The following FAM114A2 variants were observed in gnomAD, a reference collection of about 807,000 sequenced individuals.
FAM114A2 encodes the protein protein FAM114A2.
In FAM114A2, 53 loss-of-function variants were observed where a neutral mutation model predicts 58.4. That is an observed-to-expected ratio of 0.91 (90% CI 0.73 to 1.14). The LOEUF (loss-of-function observed/expected upper bound fraction) is 1.14, where lower values mean the gene tolerates loss of function less well. FAM114A2 is among the 50% of genes most tolerant of loss of function. The pLI is 0.00. For missense variants in FAM114A2, 601 were observed against 581.1 expected (o/e 1.03, Z -0.35); for synonymous variants, 228 against 211.4 (o/e 1.08, Z -0.68).
intron 11 of FAM114A2, among the ~76,000 whole-genome samples, chr5:153,999,845 C>A (rs1250460739): frequency 6.6e-6 from 1 of 152,062 alleles, no homozygotes; most frequent in African/African-American, 2.4e-5. Flanking sequence ...ATGTTTATTG[C>A]AGCACTATTC....
chr5:154,000,849 C>G (rs1769923512), intron 11 of FAM114A2, among the ~76,000 whole-genome samples: 1 of 152,136 alleles, frequency 6.6e-6, no homozygotes, highest in Non-Finnish European at 1.5e-5. Context: ...CCCTACATTC[C>G]ATTTAGAAAA....
chr5:153,994,066 A>C (rs1206074908), intron 13 of FAM114A2, among the ~76,000 whole-genome samples: 1 of 152,172 alleles, frequency 6.6e-6, no homozygotes, highest in Non-Finnish European at 1.5e-5. Context: ...CCATTTACTA[A>C]ATCACAAACT....
At chr5:154,002,227 T>C in intron 11 of FAM114A2, 24 bp downstream of exon 11, 1 of 1,607,558 alleles carries the variant, frequency 6.2e-7, no homozygotes, top group African/African-American at 1.3e-5. Flanking sequence ...TTGCATCATT[T>C]AGAGGAATTC....
At chr5:154,014,129 T>C (rs1238604655) in intron 8 of FAM114A2, among the ~76,000 whole-genome samples, 2 of 152,246 alleles carry the variant, frequency 1.3e-5, no homozygotes, top group Non-Finnish European at 2.9e-5. Context: ...TAGAAACTTG[T>C]ATTCAAGAAC....
intron 8 of FAM114A2, among the ~76,000 whole-genome samples, chr5:154,023,475 G>T (rs977074825): frequency 2.6e-5 from 4 of 152,104 alleles, no homozygotes; most frequent in Non-Finnish European, 2.9e-5. Context: ...CATTCGCAGC[G>T]ACCTGGATGA....
intron 8 of FAM114A2, among the ~76,000 whole-genome samples, chr5:154,020,875 A>G (rs910304152): frequency 2.6e-5 from 4 of 152,218 alleles, no homozygotes; most frequent in African/African-American, 9.7e-5. Context: ...ATCCCTGATG[A>G]ACATCAATGC....
Position 153,992,301 on chromosome 5 carries a change from AGTGT to A in FAM114A2, c.*671_*674del, listed in dbSNP as rs1368897696. 1.3e-5 allele frequency: 2 copies of A among 152,202 alleles called. No individual in the cohort carries two copies. The highest frequency in any genetic ancestry group is 2.9e-5 in the Non-Finnish European group (2 of 68,040). The allele number at this position is 152,202 out of a possible 1,614,324, so 9.4% of individuals were successfully genotyped here. A position where few individuals can be genotyped will look rare whatever the true frequency, so the allele number is the denominator to read the frequency against. Reference sequence around the variant, plus strand: ...AGAGTAGGGTTCAGCTATGACATGAAGTGTGTCATCCTGGGGAGGGGGAGCAATT... The same window carrying A: ...AGAGTAGGGTTCAGCTATGACATGAAGTCATCCTGGGGAGGGGGAGCAATT... On this transcript the variant is annotated 3_prime_UTR_variant, in exon 14 of 14. Transcript: ENST00000351797.
intron 11 of FAM114A2, among the ~76,000 whole-genome samples, chr5:154,001,059 T>C (rs1269592310): frequency 6.6e-6 from 1 of 152,140 alleles, no homozygotes; most frequent in African/African-American, 2.4e-5. Flanking sequence ...TGTGCCAGAT[T>C]TTATTTAAAG....
intron 8 of FAM114A2, among the ~76,000 whole-genome samples, chr5:154,021,733 T>G (rs577726120): frequency 2.6e-5 from 4 of 152,280 alleles, no homozygotes; most frequent in East Asian, 1.9e-4. Flanking sequence ...CAAGGTAATT[T>G]ATAGATTCAA....
At chr5:153,996,414 A>G (rs1356706632) in intron 12 of FAM114A2, among the ~76,000 whole-genome samples, 1 of 152,134 alleles carries the variant, frequency 6.6e-6, no homozygotes, top group Non-Finnish European at 1.5e-5. Flanking sequence ...TGGATCACAG[A>G]CATAAATGTA....
chr5:154,026,773 A>G (rs1347099768), intron 7 of FAM114A2, among the ~76,000 whole-genome samples: 1 of 152,114 alleles, frequency 6.6e-6, no homozygotes, highest in Non-Finnish European at 1.5e-5. Context: ...CAGCTTAGAA[A>G]TAACAAAAAA....
Position 153,994,906 on chromosome 5 carries a change from A to T in FAM114A2, c.1383+13T>A. 7.0e-6 allele frequency: 11 copies of T among 1,570,490 alleles called. No homozygotes were observed. Among genetic ancestry groups the T allele is most frequent in the Non-Finnish European group, 8.8e-6 (10 of 1,140,882 alleles). On this transcript the variant is annotated intron_variant, in intron 13 of 13. Coordinates refer to ENST00000351797, the MANE Select transcript of FAM114A2 (RefSeq NM_018691.4). ...ATACCTTTGGAGTCAGAGACTTAAA[A>T]ACAATTACTAACCTCTAGAAATACT...
intron 5 of FAM114A2, among the ~76,000 whole-genome samples, chr5:154,029,190 T>A (rs1772010671): frequency 6.6e-6 from 1 of 152,220 alleles, no homozygotes; most frequent in Non-Finnish European, 1.5e-5. Flanking sequence ...AGACATTTTT[T>A]AGGGCCACCA....
At chr5:154,012,526 G>A (rs1770767448) in intron 8 of FAM114A2, among the ~76,000 whole-genome samples, 1 of 152,064 alleles carries the variant, frequency 6.6e-6, no homozygotes, top group Non-Finnish European at 1.5e-5. Context: ...AGTTTGCCAG[G>A]GCAAATCATT....
intron 13 of FAM114A2, among the ~76,000 whole-genome samples, chr5:153,993,797 T>A (rs1769391358): frequency 6.6e-6 from 1 of 151,800 alleles, no homozygotes; most frequent in Non-Finnish European, 1.5e-5. Flanking sequence ...AAAAAAAAAA[T>A]CCACTAAAAA....
Position 154,000,329 on chromosome 5 carries a change from A to G in FAM114A2, c.1256+1922T>C, listed in dbSNP as rs550686761. The stretch of plus-strand genomic sequence containing the variant: ...ACTATACTTAGCAATAATATTTTGT[A>G]TATTTCAAAATAATGTAAAGCACTT... On this transcript the variant is annotated intron_variant, in intron 11 of 13. Coordinates refer to ENST00000351797, the MANE Select transcript of FAM114A2 (RefSeq NM_018691.4). Among the ~76,000 whole-genome samples, 79 of 152,298 alleles carry G rather than the reference A, an allele frequency of 5.2e-4. 1 individual carries two copies. The highest frequency in any genetic ancestry group is 9.6e-4 in the Non-Finnish European group (65 of 68,002).
At chr5:154,006,228 C>T (rs1291239780) in intron 9 of FAM114A2, among the ~76,000 whole-genome samples, 1 of 152,212 alleles carries the variant, frequency 6.6e-6, no homozygotes, top group Non-Finnish European at 1.5e-5. Flanking sequence ...TATACTAACA[C>T]TGTGCCAGTG....
intron 8 of FAM114A2, among the ~76,000 whole-genome samples, chr5:154,021,098 C>A (rs1355661190): frequency 3.9e-5 from 6 of 152,226 alleles, no homozygotes; most frequent in African/African-American, 1.4e-4. Context: ...ATTCAACAGC[C>A]CTTCATACTA....
chr5:154,017,267 A>ACC (rs1423767279), intron 8 of FAM114A2, among the ~76,000 whole-genome samples: 1 of 151,952 alleles, frequency 6.6e-6, no homozygotes, highest in South Asian at 2.1e-4. Context: ...ACATAGAGAA[A>ACC]CCCCGTCTCT....
Sources: gnomAD v4.1 joint callset for allele counts (sites outside exome capture counted in the v4.1 genomes callset) on GRCh38, gnomAD v4.1.1 for gene constraint, MANE v1.5 for transcripts, NCBI Gene and HGNC (gene_info 2026-07-23, HGNC 2026-07-21) for gene names.